The following AGFG2 variants were observed in gnomAD, a reference collection of about 807,000 sequenced individuals.
The protein encoded by AGFG2 is ArfGAP with FG repeats 2.
A neutral mutation model predicts 48.0 loss-of-function variants in AGFG2; 31 were observed. The ratio of observed to expected loss-of-function variants is 0.65; its 90% CI spans 0.49 to 0.87. AGFG2 has a LOEUF of 0.87. Among genes scored for constraint, AGFG2 ranks in the 40% least tolerant of loss-of-function variants. AGFG2 has a pLI of 0.00. For synonymous variants in AGFG2, 229 were observed against 260.8 expected (o/e 0.88, Z 1.18); for missense variants, 599 against 632.6 (o/e 0.95, Z 0.57).
chr7:100,554,869 T>A (rs1287672460), intron 5 of AGFG2, among the ~76,000 whole-genome samples: 1 of 136,048 alleles, frequency 7.4e-6, no homozygotes, highest in African/African-American at 2.8e-5. Flanking sequence ...ACCTAGGAGG[T>A]GGAGGTTGCA....
rs967813073 is a variant in AGFG2 at position 100,544,543 on chromosome 7, C to A, written c.222-4279C>A. On this transcript the variant is annotated intron_variant, in intron 1 of 11. Transcript: ENST00000300176. ...GGAGAGGTACACATGTACCTTGCCC[C>A]TGTTTTAGTCCCATCCCTCCATCCC... Among the ~76,000 whole-genome samples the A allele has an allele frequency of 3.3e-5, 5 of 152,224 alleles. No homozygotes were observed. In the East Asian group the frequency reaches 9.6e-4, roughly 29 times the overall value.
chr7:100,564,329 G>A (rs1800958961), intron 11 of AGFG2, 26 bp downstream of exon 11: 1 of 1,601,366 alleles, frequency 6.2e-7, no homozygotes, highest in African/African-American at 1.3e-5. Context: ...GGGGTGCTGT[G>A]GTAGGGCTCG....
Position 100,550,403 on chromosome 7 carries a change from G to T in AGFG2, c.323G>T (p.Arg108Leu). ...ACACCTTCATTCTTTTAGGTTTGCCGGAAGATTTGGTTGGGTCTGTTTGAT... is the reference window on the plus strand; with the variant it reads ...ACACCTTCATTCTTTTAGGTTTGCCTGAAGATTTGGTTGGGTCTGTTTGAT... ...FLQSRGNEVC[R>L]KIWLGLFDAR... Residue 108 changes from arginine to leucine, a missense_variant, in exon 3 of 12, where the codon CGG (arginine) becomes CTG (leucine). Transcript: ENST00000300176. 1.2e-6 allele frequency: 2 copies of T among 1,612,940 alleles called. No homozygotes were observed. Among genetic ancestry groups the T allele is most frequent in the Non-Finnish European group, 1.7e-6 (2 of 1,179,396 alleles).
At chr7:100,548,697 G>A in intron 1 of AGFG2, 125 bp from the exon 2 acceptor site, 1 of 649,334 alleles carries the variant, frequency 1.5e-6, no homozygotes, top group Non-Finnish European at 2.8e-6. Context: ...CAGATGGGGG[G>A]GTTCTATCTG....
intron 5 of AGFG2, among the ~76,000 whole-genome samples, chr7:100,555,263 GTTTTTTTTTTTTTTTTTT>G (rs1166680394): frequency 1.3e-5 from 1 of 75,148 alleles, no homozygotes; most frequent in African/African-American, 6.1e-5. Context: ...TGTGTGTGTG[GTTTTTTTTTTTTTTTTTT>G]TTTTTTTTTT....
At chr7:100,563,013 C>A in intron 9 of AGFG2, 67 bp downstream of exon 9, 1 of 1,439,972 alleles carries the variant, frequency 6.9e-7, no homozygotes, top group Non-Finnish European at 9.6e-7. Context: ...TACCCTGCAG[C>A]CTCTCCCTTA....
intron 9 of AGFG2, 76 bp downstream of exon 9, chr7:100,563,022 T>C (rs948752593): frequency 7.2e-7 from 1 of 1,386,450 alleles, no homozygotes; most frequent in Non-Finnish European, 1.0e-6. Context: ...GCCTCTCCCT[T>C]AACCCTTTGT....
chr7:100,556,021 C>T (rs1352965178), intron 6 of AGFG2: 1 of 305,746 alleles, frequency 3.3e-6, no homozygotes, highest in Non-Finnish European at 6.3e-6. Context: ...AGACCTGAGT[C>T]CTAGAAAAAT....
At chr7:100,550,612 A>C in intron 3 of AGFG2, 101 bp downstream of exon 3, 1 of 849,442 alleles carries the variant, frequency 1.2e-6, no homozygotes, top group East Asian at 2.6e-5. Flanking sequence ...ACAAAAGACT[A>C]GACTTGGGTC....
Position 100,554,089 on chromosome 7 carries a change from C to T in AGFG2, c.586-4C>T. On this transcript the variant is annotated splice_region_variant and splice_polypyrimidine_tract_variant and intron_variant, in intron 4 of 11. Coordinates refer to ENST00000300176, the MANE Select transcript of AGFG2 (RefSeq NM_006076.5). ...AGGGCTGTATGCATTCCTTCTCCTC[C>T]AAGCCCGTCAGTCAGTCTCACGCTC... The T allele has an allele frequency of 6.2e-7, 1 of 1,611,744 alleles. No individual in the cohort carries two copies. The highest frequency in any genetic ancestry group is 8.5e-7 in the Non-Finnish European group (1 of 1,178,876).
intron 1 of AGFG2, among the ~76,000 whole-genome samples, chr7:100,546,745 G>C (rs1178116225): frequency 6.6e-6 from 1 of 152,172 alleles, no homozygotes; most frequent in Non-Finnish European, 1.5e-5. Context: ...TAGTGGTTAA[G>C]GTGAGAAAGT....
Position 100,564,942 on chromosome 7 carries a change from C to T in AGFG2, c.1397C>T (p.Ser466Leu), listed in dbSNP as rs1444100739. Residue 466 changes from serine to leucine, a missense_variant, in exon 12 of 12, where the codon TCA becomes TTA. Ser to Leu is a moderately radical substitution (Grantham distance 145, BLOSUM62 -2). Transcript: ENST00000300176. ...ISTNPFMTGP[S>L]SSPFASKPPT... ...GTTCTTTCTTTCCAGACTGGACCCT[C>T]ATCAAGCCCATTCGCCTCCAAACCT... 1 of 1,614,194 alleles carries T rather than the reference C, an allele frequency of 6.2e-7. No homozygotes were observed. The highest frequency in any genetic ancestry group is 8.5e-7 in the Non-Finnish European group (1 of 1,179,992).
At position 100,565,132 on chromosome 7, in the gene AGFG2, G is replaced by GAAAGGT; in HGVS notation, c.*142_*147dup. 1.0e-6 allele frequency: 1 copy of GAAAGGT among 956,906 alleles called. No homozygotes were observed. The highest frequency in any genetic ancestry group is 2.0e-5 in the Admixed American group (1 of 49,840). The allele number at this position is 956,906 out of a possible 1,614,324, so 59.3% of individuals were successfully genotyped here. A position where few individuals can be genotyped will look rare whatever the true frequency, so the allele number is the denominator to read the frequency against. ...AATGCTTTGCTTGGGGCCTACAGGT[G>GAAAGGT]AAAGGTGGCTGCCCTCAGATTCCAC... is the stretch of plus-strand genomic sequence containing the variant. On this transcript the variant is annotated 3_prime_UTR_variant, in exon 12 of 12. Transcript: ENST00000300176.
At chr7:100,560,015 G>A (rs992835489) in intron 6 of AGFG2, among the ~76,000 whole-genome samples, 3 of 152,144 alleles carry the variant, frequency 2.0e-5, no homozygotes, top group African/African-American at 7.2e-5. Flanking sequence ...GGTCCTCACT[G>A]GGTGAAGCTC....
intron 1 of AGFG2, among the ~76,000 whole-genome samples, chr7:100,539,888 T>C (rs1800390466): frequency 1.3e-5 from 2 of 150,570 alleles, no homozygotes; most frequent in Admixed American, 1.3e-4. Flanking sequence ...GTGCGGAGGA[T>C]GGAAGGGAAC....
intron 11 of AGFG2, 57 bp downstream of exon 11, chr7:100,564,360 A>G (rs915617579): frequency 1.2e-5 from 18 of 1,541,620 alleles, no homozygotes; most frequent in African/African-American, 2.7e-5. Context: ...CTCTGGGACA[A>G]TCCTTCCAGA....
rs1366267113 is a variant in AGFG2 at position 100,562,719 on chromosome 7, T to C, written c.1087+37T>C. ...CTGTGGAGACCCAGGGGAGGGGACC[T>C]GAGGCCAGGAGGAGTCTAAGGACTC... On this transcript the variant is annotated intron_variant, in intron 8 of 11. Coordinates refer to ENST00000300176, the MANE Select transcript of AGFG2 (RefSeq NM_006076.5). The surrounding 1 kb of genome is among the most constrained non-coding windows in gnomAD (Gnocchi z 5.4). 6.3e-7 allele frequency: 1 copy of C among 1,595,912 alleles called. No homozygotes were observed. The highest frequency in any genetic ancestry group is 8.5e-7 in the Non-Finnish European group (1 of 1,172,902).
chr7:100,543,986 G>A (rs192380677), intron 1 of AGFG2, among the ~76,000 whole-genome samples: 5 of 152,322 alleles, frequency 3.3e-5, no homozygotes, highest in African/African-American at 1.2e-4. Context: ...GGATGAATCT[G>A]TCATTTGAAT....
chr7:100,550,473 G>C lies in AGFG2; in HGVS notation c.393G>C (p.Val131=). The change falls in exon 3 of 12, where the codon GTG becomes GTC. Residue 131 remains valine (V), a synonymous_variant. Coordinates refer to ENST00000300176, the MANE Select transcript of AGFG2 (RefSeq NM_006076.5). ...LVPDSRDPQK[V]KEFLQEKYEK... ...CAGATTCCAGGGATCCTCAGAAAGT[G>C]AAGGAGTTTCTCCAGGAAAAATATG... 6.2e-7 allele frequency: 1 copy of C among 1,614,070 alleles called. No homozygotes were observed. The highest frequency in any genetic ancestry group is 8.5e-7 in the Non-Finnish European group (1 of 1,179,976).
Sources: allele counts gnomAD v4.1 joint callset (sites outside exome capture counted in the v4.1 genomes callset), GRCh38; gene constraint gnomAD v4.1.1; non-coding constraint Gnocchi (gnomAD v3.1); transcripts MANE v1.5; gene names NCBI Gene and HGNC (gene_info 2026-07-23, HGNC 2026-07-21).